Variants in CEP120 observed in about 807,000 individuals in gnomAD.
CEP120 encodes centrosomal protein of 120 kDa.
In CEP120, 113 loss-of-function variants were observed where a neutral mutation model predicts 126.5. The ratio of observed to expected loss-of-function variants is 0.89; its 90% CI spans 0.77 to 1.04. The LOEUF is 1.04. Among genes scored for constraint, CEP120 ranks in the 50% least tolerant of loss-of-function variants. The pLI, the probability that CEP120 is intolerant of heterozygous loss-of-function variation, is 0.00. For missense variants in CEP120, 1,230 were observed against 1,155.7 expected (o/e 1.06, Z -0.93); for synonymous variants, 400 against 394.3 (o/e 1.01, Z -0.17).
rs1768814015 is a variant in CEP120, at chr5:123,346,352, G to C, written c.*167C>G. 1 of 502,208 alleles carries C rather than the reference G, an allele frequency of 2.0e-6. No individual in the cohort carries two copies. The highest frequency in any genetic ancestry group is 2.0e-5 in the African/African-American group (1 of 50,938). 31.1% of individuals were successfully genotyped at this position (502,208 alleles called of 1,614,324 possible). A position where few individuals can be genotyped will look rare whatever the true frequency, so the allele number is the denominator to read the frequency against. On this transcript the variant is annotated 3_prime_UTR_variant, in exon 20 of 20. Transcript: ENST00000306467. ...AAATAAAACCAGTGTGGGAGAGGTA[G>C]CATAAAGTAAATAAGATCAAATAAA...
At chr5:123,407,122 A>G (rs1773743059) in intron 4 of CEP120, among the ~76,000 whole-genome samples, 1 of 151,186 alleles carries the variant, frequency 6.6e-6, no homozygotes, top group African/African-American at 2.4e-5. Flanking sequence ...AAAAAAAACA[A>G]AAAACAAAAA....
rs1773267002 is a variant in CEP120, at chr5:123,401,867, C to T, written c.464-2583G>A. 9.1e-6 allele frequency: 14 copies of T among 1,546,614 alleles called. 1 individual carries two copies. The South Asian group carries it at 1.6e-4, about 17-fold the overall frequency. ...TGTTGCCAAGCTCCGCCTCCAGCTT[C>T]AGTTTCTCCTAGCCCAGAGTCTCCA... On this transcript the variant is annotated intron_variant, in intron 4 of 19. Transcript: ENST00000306467.
intron 16 of CEP120, among the ~76,000 whole-genome samples, chr5:123,374,236 A>G (rs1771051676): frequency 6.6e-6 from 1 of 152,056 alleles, no homozygotes; most frequent in Non-Finnish European, 1.5e-5. Flanking sequence ...AACAACAACA[A>G]CAAAAACTGA....
At chr5:123,381,032 T>C (rs1771604163) in intron 14 of CEP120, among the ~76,000 whole-genome samples, 1 of 152,096 alleles carries the variant, frequency 6.6e-6, no homozygotes, top group Non-Finnish European at 1.5e-5. Context: ...AGAATTAAGT[T>C]AGAAAAAGCT....
Position 123,377,575 on chromosome 5 carries a change from A to G in CEP120, c.2197-40T>C, listed in dbSNP as rs762493598. ...ATCTTTAAGAGGTTGGTTTATTGCT[A>G]GCTGCATTATACTATTCGATATTCC... On this transcript the variant is annotated intron_variant, in intron 15 of 19. Transcript: ENST00000306467. 3 of 1,496,428 alleles carry G rather than the reference A, an allele frequency of 2.0e-6. No homozygotes were observed. The South Asian group carries it at 3.8e-5, about 19-fold the overall frequency. 92.7% of individuals were successfully genotyped at this position (1,496,428 alleles called of 1,614,324 possible).
chr5:123,416,583 A>G (rs1343758673), intron 2 of CEP120, among the ~76,000 whole-genome samples: 1 of 148,736 alleles, frequency 6.7e-6, no homozygotes, highest in Non-Finnish European at 1.5e-5. Context: ...AAATAAAAAT[A>G]AAAATAAAAA....
At chr5:123,415,966 G>A (rs768622482) in intron 3 of CEP120, 44 bp downstream of exon 3, 31 of 1,240,510 alleles carry the variant, frequency 2.5e-5, no homozygotes, top group African/African-American at 4.5e-5. Flanking sequence ...GAAAATAATC[G>A]ACTGTCTAAC....
chr5:123,382,961 T>A (rs1159571678), intron 12 of CEP120, 25 bp downstream of exon 12: 5 of 1,593,052 alleles, frequency 3.1e-6, no homozygotes, highest in Non-Finnish European at 4.3e-6. Flanking sequence ...TTAAAAAAAA[T>A]TTGATAACAT....
At chr5:123,415,769 G>A (rs1774340612) in intron 3 of CEP120, among the ~76,000 whole-genome samples, 1 of 152,124 alleles carries the variant, frequency 6.6e-6, no homozygotes, top group Non-Finnish European at 1.5e-5. Context: ...TACTCAGGAG[G>A]CTAAGGCAGG....
intron 18 of CEP120, among the ~76,000 whole-genome samples, chr5:123,350,485 T>G (rs1388237208): frequency 6.6e-6 from 1 of 152,210 alleles, no homozygotes; most frequent in Non-Finnish European, 1.5e-5. Context: ...CTTCAATCAG[T>G]GATTGATATT....
chr5:123,371,209 C>T (rs970071615), intron 17 of CEP120, among the ~76,000 whole-genome samples: 10 of 151,904 alleles, frequency 6.6e-5, no homozygotes, highest in Non-Finnish European at 7.4e-5. Flanking sequence ...TCTGTTTTCA[C>T]GCTGCTGATA....
At chr5:123,402,183 C>G (rs4836004) in intron 4 of CEP120, 4 of 1,567,704 alleles carry the variant, frequency 2.6e-6, no homozygotes, top group Non-Finnish European at 3.5e-6. Flanking sequence ...GGCCCCACCA[C>G]AGCCGCCGCC....
At position 123,416,056 on chromosome 5, in the gene CEP120, A is replaced by G; in HGVS notation, c.275T>C (p.Ile92Thr). Residue 92 changes from isoleucine (I) to threonine (T), a missense_variant, in exon 3 of 20, where the codon ATA becomes ACA. Transcript: ENST00000306467. ...TCTTAAATCCAGAACGATGTAACCTATGGTTTCCTTGGCTGAAGTTACAGG... is the reference window on the plus strand; with the variant it reads ...TCTTAAATCCAGAACGATGTAACCTGTGGTTTCCTTGGCTGAAGTTACAGG... The part of the protein sequence containing the change: ...LDPVTSAKET[I>T]GYIVLDLRTA... The G allele has an allele frequency of 1.2e-6, 2 of 1,614,098 alleles. No individual in the cohort carries two copies. The highest frequency in any genetic ancestry group is 1.7e-5 in the Admixed American group (1 of 60,008).
chr5:123,416,526 G>A (rs1031154924), intron 2 of CEP120, among the ~76,000 whole-genome samples: 5 of 152,064 alleles, frequency 3.3e-5, no homozygotes, highest in East Asian at 1.9e-4. Context: ...AGCCGAGATC[G>A]CGCCACTACA....
chr5:123,377,109 C>A (rs1316691641), intron 16 of CEP120, among the ~76,000 whole-genome samples: 2 of 151,984 alleles, frequency 1.3e-5, no homozygotes, highest in Non-Finnish European at 2.9e-5. Context: ...TGGTTCAGTG[C>A]TACATGAAGA....
chr5:123,393,475 A>G lies in CEP120; in HGVS notation c.635T>C (p.Leu212Pro), dbSNP rs755600125. 6.2e-7 allele frequency: 1 copy of G among 1,613,984 alleles called. No individual in the cohort carries two copies. Among genetic ancestry groups the G allele is most frequent in the African/African-American group, 1.3e-5 (1 of 75,062 alleles). Residue 212 changes from leucine to proline, a missense_variant, in exon 6 of 20, where the codon CTT becomes CCT. Transcript: ENST00000306467. ...LEQLIPCTMK[L>P]PERQPEFFFY... Reference sequence around the variant, plus strand: ...GAAAAACTCAGGCTGTCTTTCTGGAAGTTTCATGGTACATGGAATTAACTA... The same window carrying G: ...GAAAAACTCAGGCTGTCTTTCTGGAGGTTTCATGGTACATGGAATTAACTA...
At chr5:123,392,215 C>A (rs918839272) in intron 6 of CEP120, among the ~76,000 whole-genome samples, 2 of 152,086 alleles carry the variant, frequency 1.3e-5, no homozygotes, top group Non-Finnish European at 2.9e-5. Context: ...CCATTAGAAA[C>A]TAATAAATCA....
At chr5:123,421,206 T>C (rs1337818958) in intron 1 of CEP120, among the ~76,000 whole-genome samples, 3 of 152,194 alleles carry the variant, frequency 2.0e-5, no homozygotes, top group African/African-American at 7.2e-5. Context: ...TACAAGCTCA[T>C]TTCTTACCAT....
intron 18 of CEP120, among the ~76,000 whole-genome samples, chr5:123,362,537 C>A (rs1193091068): frequency 6.6e-6 from 1 of 151,546 alleles, no homozygotes; most frequent in Non-Finnish European, 1.5e-5. Flanking sequence ...TTGCACCTAC[C>A]TAATAAAATG....
Sources: gnomAD v4.1 joint callset for allele counts (sites outside exome capture counted in the v4.1 genomes callset) on GRCh38, gnomAD v4.1.1 for gene constraint, MANE v1.5 for transcripts, NCBI Gene and HGNC (gene_info 2026-07-23, HGNC 2026-07-21) for gene names.